The following ANK1 variants were observed in gnomAD, a reference collection of about 807,000 sequenced individuals.
ANK1 encodes the protein ankyrin 1.
ANK1 carries 51 observed loss-of-function variants against 210.4 expected under a neutral mutation model. The observed-to-expected ratio is 0.24, with a 90% CI of 0.19 to 0.31. The LOEUF (loss-of-function observed/expected upper bound fraction) is 0.31, where lower values mean the gene tolerates loss of function less well. Ranked by LOEUF, ANK1 falls within the 10% of genes least tolerant of loss-of-function variation. The pLI, the probability that ANK1 is intolerant of heterozygous loss-of-function variation, is 1.00. For missense variants in ANK1, 2,051 were observed against 2,504.4 expected (o/e 0.82, Z 3.86); for synonymous variants, 967 against 1,025.9 (o/e 0.94, Z 1.10).
At position 41,694,812 on chromosome 8, in the gene ANK1, A is replaced by G. The variant is rs775620184; in HGVS notation, c.3116-9T>C. On this transcript the variant is annotated splice_polypyrimidine_tract_variant and intron_variant, in intron 27 of 42. Transcript: ENST00000289734. The surrounding 1 kb of genome is among the most constrained non-coding windows in gnomAD (Gnocchi z 5.7). ...CTCCAGGCTCCCCAGCTCTGGAATC[A>G]CACACACAGGCCACCACCCCGGTCA... 1.9e-6 allele frequency: 3 copies of G among 1,613,424 alleles called. No individual in the cohort carries two copies. The highest frequency in any genetic ancestry group is 3.3e-5 in the Admixed American group (2 of 59,978).
chr8:41,712,638 C>T (rs1826477193), intron 16 of ANK1, among the ~76,000 whole-genome samples: 1 of 152,188 alleles, frequency 6.6e-6, no homozygotes, highest in South Asian at 2.1e-4. Context: ...ACGGAGGGAG[C>T]TCTGCCCAAA....
Position 41,812,430 on chromosome 8 carries a change from G to C in ANK1, c.127-54293C>G, listed in dbSNP as rs575918621. ...CCTGGGGCCTCCAGGAGGAGGCAGT[G>C]GCCAGCCATGGAAGGTCAACGGAGG... On this transcript the variant is annotated intron_variant, in intron 1 of 42. Transcript: ENST00000265709. Among the ~76,000 whole-genome samples the C allele has an allele frequency of 6.6e-5, 10 of 152,314 alleles. No individual in the cohort carries two copies. The South Asian group carries it at 2.1e-3, about 32-fold the overall frequency.
intron 26 of ANK1, among the ~76,000 whole-genome samples, chr8:41,695,579 C>T (rs1820671236): frequency 1.3e-5 from 2 of 152,226 alleles, no homozygotes. Flanking sequence ...TCATTTCATG[C>T]GGGCTCTGCT....
chr8:41,670,409 C>A (rs1361913548), intron 38 of ANK1, among the ~76,000 whole-genome samples: 2 of 152,062 alleles, frequency 1.3e-5, no homozygotes, highest in African/African-American at 4.8e-5. Context: ...CAGTTAGCAA[C>A]ACTGCTGCGG....
chr8:41,752,813 ACCGCTGGG>A (rs1336692991), intron 2 of ANK1, among the ~76,000 whole-genome samples: 1 of 129,594 alleles, frequency 7.7e-6, no homozygotes, highest in Non-Finnish European at 1.8e-5. Flanking sequence ...CCCCCACTGC[ACCGCTGGG>A]CCCTCCGCCT....
intron 1 of ANK1, among the ~76,000 whole-genome samples, chr8:41,833,456 A>G (rs1807056391): frequency 6.6e-6 from 1 of 152,210 alleles, no homozygotes; most frequent in South Asian, 2.1e-4. Flanking sequence ...ATTTATATTA[A>G]AAGCTCCAGC....
intron 37 of ANK1, among the ~76,000 whole-genome samples, chr8:41,682,630 C>T (rs541753157): frequency 6.6e-6 from 1 of 152,214 alleles, no homozygotes; most frequent in African/African-American, 2.4e-5. Flanking sequence ...GAGAACCACT[C>T]GGGCAAGAAT....
At chr8:41,848,385 C>G (rs9792131) in intron 1 of ANK1, among the ~76,000 whole-genome samples, 3 of 152,122 alleles carry the variant, frequency 2.0e-5, no homozygotes, top group Non-Finnish European at 4.4e-5. Context: ...GGCTAAAATG[C>G]GAAGACCTCA....
chr8:41,696,287 A>G (rs1433437899), intron 26 of ANK1, 76 bp downstream of exon 26: 1 of 1,530,410 alleles, frequency 6.5e-7, no homozygotes, highest in Non-Finnish European at 9.0e-7. Context: ...CTGTTTCCCC[A>G]TCAGGACAGA....
At chr8:41,674,738 C>G (rs7826650) in intron 37 of ANK1, among the ~76,000 whole-genome samples, 4,568 of 152,282 alleles carry the variant, frequency 0.03, 216 homozygotes, top group African/African-American at 0.099. Context: ...GTTCCAGGTC[C>G]CAAATGAGCG....
At chr8:41,837,356 GT>G (rs1807951493) in intron 1 of ANK1, among the ~76,000 whole-genome samples, 1 of 152,270 alleles carries the variant, frequency 6.6e-6, no homozygotes, top group South Asian at 2.1e-4. Context: ...ACGAAAGATG[GT>G]GTGTTTTTTA....
At chr8:41,889,094 G>T (rs532496969) in intron 1 of ANK1, among the ~76,000 whole-genome samples, 115 of 152,302 alleles carry the variant, frequency 7.6e-4, no homozygotes, top group Non-Finnish European at 1.5e-3. Flanking sequence ...TCCCATCTCG[G>T]CTCCCAAAGT....
intron 1 of ANK1, among the ~76,000 whole-genome samples, chr8:41,832,825 C>T (rs575079825): frequency 7.4e-4 from 112 of 152,354 alleles, no homozygotes; most frequent in Non-Finnish European, 1.1e-3. Flanking sequence ...AATCTGGCAA[C>T]TCTGTCCCCA....
chr8:41,712,082 GC>G (rs1291205517), intron 16 of ANK1, among the ~76,000 whole-genome samples: 1 of 152,080 alleles, frequency 6.6e-6, no homozygotes, highest in Non-Finnish European at 1.5e-5. Context: ...ACGCTGCCAT[GC>G]CCGGCTAATT....
chr8:41,768,859 T>C (rs1424175220), intron 1 of ANK1, among the ~76,000 whole-genome samples: 5 of 151,688 alleles, frequency 3.3e-5, no homozygotes, highest in African/African-American at 1.2e-4. Flanking sequence ...TAGTCCTGGC[T>C]ACTCAGGAGG....
intron 3 of ANK1, among the ~76,000 whole-genome samples, chr8:41,732,232 A>T (rs886191277): frequency 3.9e-5 from 6 of 152,018 alleles, no homozygotes; most frequent in African/African-American, 1.4e-4. Flanking sequence ...TGCTGCATGG[A>T]ACTGAAATTG....
At chr8:41,777,646 TTG>T (rs1396194585) in intron 1 of ANK1, among the ~76,000 whole-genome samples, 1 of 152,092 alleles carries the variant, frequency 6.6e-6, no homozygotes, top group African/African-American at 2.4e-5. Context: ...AATGTTATGG[TTG>T]TGTTGGCAAC....
intron 1 of ANK1, among the ~76,000 whole-genome samples, chr8:41,881,896 CTGTCTCCTTTCA>C (rs1296933112): frequency 1.3e-5 from 2 of 152,204 alleles, no homozygotes; most frequent in Non-Finnish European, 2.9e-5. Flanking sequence ...CTTGCCTTCC[CTGTCTCCTTTCA>C]TGGAGAGAAG....
intron 1 of ANK1, among the ~76,000 whole-genome samples, chr8:41,848,777 C>G (rs1349499629): frequency 1.3e-5 from 2 of 152,204 alleles, no homozygotes; most frequent in Non-Finnish European, 2.9e-5. Flanking sequence ...TATAACTGTG[C>G]AGACAGCCTG....
Sources: gnomAD v4.1 joint callset for allele counts (sites outside exome capture counted in the v4.1 genomes callset) on GRCh38, gnomAD v4.1.1 for gene constraint, Gnocchi (gnomAD v3.1) non-coding constraint, MANE v1.5 for transcripts, NCBI Gene and HGNC (gene_info 2026-07-23, HGNC 2026-07-21) for gene names.